Variants in COL25A1 observed in about 807,000 individuals in gnomAD.
COL25A1 encodes the protein collagen type XXV alpha 1 chain.
Under a neutral mutation model 128.4 loss-of-function variants are expected in COL25A1, and 103 were observed. That is an observed-to-expected ratio of 0.80 (90% CI 0.68 to 0.94). The LOEUF (loss-of-function observed/expected upper bound fraction) is 0.94, where lower values mean the gene tolerates loss of function less well. Among genes scored for constraint, COL25A1 ranks in the 40% least tolerant of loss-of-function variants. COL25A1 has a pLI of 0.00. For synonymous variants in COL25A1, 279 were observed against 277.2 expected, an observed-to-expected ratio of 1.01 and a Z score of -0.06; for missense variants, 745 against 840.0, an observed-to-expected ratio of 0.89 and a Z score of 1.40.
At chr4:109,057,659 C>T (rs1278981214) in intron 3 of COL25A1, among the ~76,000 whole-genome samples, 2 of 151,858 alleles carry the variant, frequency 1.3e-5, no homozygotes, top group African/African-American at 4.8e-5. Flanking sequence ...TACATCAGAA[C>T]TGTGGTAAAT....
chr4:109,010,401 C>G, intron 5 of COL25A1, 26 bp from the exon 6 acceptor site: 2 of 1,534,962 alleles, frequency 1.3e-6, no homozygotes, highest in Non-Finnish European at 1.8e-6. Context: ...AAAAGAAAAA[C>G]AATTACAAAA....
intron 8 of COL25A1, among the ~76,000 whole-genome samples, chr4:108,951,848 G>T (rs993233900): frequency 6.6e-6 from 1 of 152,168 alleles, no homozygotes. Flanking sequence ...TTTGATTACA[G>T]GGTGTCTCAG....
chr4:108,926,543 C>T (rs943176607), intron 11 of COL25A1, among the ~76,000 whole-genome samples: 4 of 152,082 alleles, frequency 2.6e-5, no homozygotes, highest in African/African-American at 4.8e-5. Flanking sequence ...AATGATAACA[C>T]GTATACTCTA....
At chr4:108,987,205 A>G (rs564673567) in intron 6 of COL25A1, among the ~76,000 whole-genome samples, 8 of 152,174 alleles carry the variant, frequency 5.3e-5, no homozygotes, top group South Asian at 2.1e-4. Context: ...ATCTTCCCCA[A>G]TTCTCCACAA....
chr4:109,227,650 T>A (rs112826434), intron 3 of COL25A1, among the ~76,000 whole-genome samples: 1 of 151,808 alleles, frequency 6.6e-6, no homozygotes, highest in African/African-American at 2.4e-5. Context: ...CATACACTTA[T>A]CACAGCCTTT....
chr4:109,074,949 C>T (rs1038379887), intron 3 of COL25A1, among the ~76,000 whole-genome samples: 1 of 152,030 alleles, frequency 6.6e-6, no homozygotes, highest in Admixed American at 6.6e-5. Context: ...ATAGGTCCCC[C>T]AAAACACAAT....
At chr4:108,836,617 G>A (rs1733844650) in intron 31 of COL25A1, among the ~76,000 whole-genome samples, 1 of 151,970 alleles carries the variant, frequency 6.6e-6, no homozygotes, top group Non-Finnish European at 1.5e-5. Context: ...CTCTAGCCTG[G>A]GTGACAGAGT....
intron 3 of COL25A1, among the ~76,000 whole-genome samples, chr4:109,259,704 A>C (rs1781304158): frequency 6.6e-6 from 1 of 152,218 alleles, no homozygotes; most frequent in African/African-American, 2.4e-5. Context: ...TTAAACATGT[A>C]ATATATATTC....
At chr4:109,232,813 C>T (rs1779243843) in intron 3 of COL25A1, among the ~76,000 whole-genome samples, 1 of 152,166 alleles carries the variant, frequency 6.6e-6, no homozygotes, top group Non-Finnish European at 1.5e-5. Context: ...ATTATACCCA[C>T]ATTCTTAAAA....
chr4:109,253,138 G>A (rs753736624), intron 3 of COL25A1, among the ~76,000 whole-genome samples: 8 of 152,182 alleles, frequency 5.3e-5, no homozygotes, highest in Admixed American at 2.6e-4. Flanking sequence ...TAAAGATTCT[G>A]TTCCTCTAGA....
chr4:108,837,341 G>T (rs1162506778), intron 31 of COL25A1, among the ~76,000 whole-genome samples: 1 of 151,682 alleles, frequency 6.6e-6, no homozygotes, highest in African/African-American at 2.4e-5. Flanking sequence ...GTTCTTTGTT[G>T]ATTTGTATCT....
intron 3 of COL25A1, among the ~76,000 whole-genome samples, chr4:109,138,883 A>G (rs1165014994): frequency 1.3e-5 from 2 of 151,570 alleles, no homozygotes; most frequent in African/African-American, 4.8e-5. Flanking sequence ...AATTTTTTGT[A>G]TTTTTAGTAG....
In COL25A1 at chr4:108,832,390, T is replaced by C. The variant is rs1733228195; in HGVS notation, c.1700A>G (p.Lys567Arg). The C allele has an allele frequency of 6.2e-7, 1 of 1,610,676 alleles. No homozygotes were observed. Among genetic ancestry groups the C allele is most frequent in the Non-Finnish European group, 8.5e-7 (1 of 1,177,990 alleles). Residue 567 changes from lysine (K) to arginine (R), a missense_variant, in exon 32 of 38, where the codon AAA (lysine) becomes AGA (arginine). Lys to Arg is a conservative substitution (Grantham distance 26). This residue lies in a region of COL25A1 where 387 missense variants were observed against 441.9 expected (regional missense o/e 0.88). Transcript: ENST00000399132. The stretch of plus-strand genomic sequence containing the variant: ...TCAGCAACAACTTACTCTTTCTCCT[T>C]TGGGACCTGCAGGGCCATGGGGTCC... ...PMGPHGPAGP[K>R]GERGEKGAMG... is the part of the protein sequence containing the mutation.
chr4:108,928,212 T>C (rs1746300351), intron 11 of COL25A1, among the ~76,000 whole-genome samples: 1 of 152,238 alleles, frequency 6.6e-6, no homozygotes, highest in Non-Finnish European at 1.5e-5. Flanking sequence ...GCAGTGTAAG[T>C]GCTTTTCCTA....
chr4:109,080,383 A>C (rs1763734588), intron 3 of COL25A1, among the ~76,000 whole-genome samples: 1 of 152,128 alleles, frequency 6.6e-6, no homozygotes, highest in African/African-American at 2.4e-5. Context: ...TATTTACCTA[A>C]GAAGGTTAAT....
intron 3 of COL25A1, among the ~76,000 whole-genome samples, chr4:109,135,892 G>C (rs1347250840): frequency 6.6e-6 from 1 of 152,146 alleles, no homozygotes; most frequent in Non-Finnish European, 1.5e-5. Context: ...AAGCTTGTTG[G>C]TCACATTCAC....
At chr4:109,019,367 C>T (rs942401977) in intron 5 of COL25A1, among the ~76,000 whole-genome samples, 5 of 110,640 alleles carry the variant, frequency 4.5e-5, no homozygotes, top group Admixed American at 8.4e-5. Context: ...CACACACACA[C>T]ACACACACAT....
rs767014243 is a variant in COL25A1, at chr4:109,057,225, C to T, written c.368-7046G>A. Among the ~76,000 whole-genome samples, 93 of 151,954 alleles carry T rather than the reference C, an allele frequency of 6.1e-4. 1 individual carries two copies. Among genetic ancestry groups the T allele is most frequent in the Admixed American group, 3.9e-3 (59 of 15,224 alleles). ...AGCATGTTATCTTTCTCATGAAATG[C>T]ACTGAGAGCAGGACTCTTATTTGTT... On this transcript the variant is annotated intron_variant, in intron 3 of 37. Coordinates refer to ENST00000399132, the MANE Select transcript of COL25A1 (RefSeq NM_198721.4).
At chr4:109,221,918 A>G (rs1251040877) in intron 3 of COL25A1, among the ~76,000 whole-genome samples, 1 of 152,190 alleles carries the variant, frequency 6.6e-6, no homozygotes, top group Non-Finnish European at 1.5e-5. Flanking sequence ...TGCTGTTGTA[A>G]TAACTCCTAC....
Sources: allele counts gnomAD v4.1 joint callset (sites outside exome capture counted in the v4.1 genomes callset), GRCh38; gene constraint gnomAD v4.1.1; regional missense constraint gnomAD v4.1.1; transcripts MANE v1.5; gene names NCBI Gene and HGNC (gene_info 2026-07-23, HGNC 2026-07-21).